The following DTNA variants were observed in gnomAD, a reference collection of about 807,000 sequenced individuals.
The protein encoded by DTNA is dystrobrevin alpha, also known as dystrophin-related protein 3.
DTNA carries 43 observed loss-of-function variants against 100.7 expected under a neutral mutation model. The observed-to-expected ratio is 0.43, with a 90% CI of 0.33 to 0.55. The LOEUF (loss-of-function observed/expected upper bound fraction) is 0.55, where lower values mean the gene tolerates loss of function less well. Among genes scored for constraint, DTNA ranks in the 20% least tolerant of loss-of-function variants. The pLI, the probability that DTNA is intolerant of heterozygous loss-of-function variation, is 0.04. For missense variants in DTNA, 798 were observed against 953.9 expected, an observed-to-expected ratio of 0.84 and a Z score of 2.15; for synonymous variants, 349 against 347.9, an observed-to-expected ratio of 1.00 and a Z score of -0.04.
chr18:34,606,148 T>C (rs1012653469), intron 1 of DTNA, among the ~76,000 whole-genome samples: 6 of 152,124 alleles, frequency 3.9e-5, no homozygotes, highest in Non-Finnish European at 5.9e-5. Context: ...GGAAAAATAC[T>C]GAGTAAATAA....
chr18:34,559,588 T>C (rs2046446928), intron 1 of DTNA, among the ~76,000 whole-genome samples: 1 of 152,234 alleles, frequency 6.6e-6, no homozygotes, highest in South Asian at 2.1e-4. Context: ...TTTCACTCTT[T>C]GGTATAATTA....
intron 1 of DTNA, among the ~76,000 whole-genome samples, chr18:34,741,109 C>T (rs2090570100): frequency 6.6e-6 from 1 of 152,056 alleles, no homozygotes; most frequent in Non-Finnish European, 1.5e-5. Flanking sequence ...ATCACTTTGT[C>T]CTTTATATTA....
At chr18:34,634,752 T>G (rs2058478297) in intron 1 of DTNA, among the ~76,000 whole-genome samples, 1 of 152,224 alleles carries the variant, frequency 6.6e-6, no homozygotes, top group East Asian at 1.9e-4. Context: ...AATGTTGTTT[T>G]GAAATATGTA....
intron 1 of DTNA, among the ~76,000 whole-genome samples, chr18:34,750,200 A>G (rs895812258): frequency 1.3e-5 from 2 of 152,220 alleles, no homozygotes; most frequent in Non-Finnish European, 2.9e-5. Context: ...TTCCAAAAAC[A>G]TTGTCCTGCT....
In DTNA at chr18:34,827,601, G is replaced by T; in HGVS notation, c.1010G>T (p.Arg337Ile). The T allele has an allele frequency of 3.7e-6, 6 of 1,613,816 alleles. No homozygotes were observed. The highest frequency in any genetic ancestry group is 5.1e-6 in the Non-Finnish European group (6 of 1,179,812). The change falls in exon 10 of 23, where the codon AGA (arginine) becomes ATA (isoleucine). Residue 337 changes from arginine to isoleucine, a missense_variant. Physicochemically the swap from Arg to Ile is moderately conservative, Grantham distance 97 (BLOSUM62 -3). Transcript: ENST00000444659. Reference sequence around the variant, plus strand: ...CCTGTGTTTTGTTTTAGGCCTCCCAGACCTGTAACCAGCATGAACGACACC... The same window carrying T: ...CCTGTGTTTTGTTTTAGGCCTCCCATACCTGTAACCAGCATGAACGACACC... ...PLNLAHIVPP[R>I]PVTSMNDTLF...
At chr18:34,793,067 C>G (rs1481718695) in intron 3 of DTNA, among the ~76,000 whole-genome samples, 1 of 152,104 alleles carries the variant, frequency 6.6e-6, no homozygotes, top group African/African-American at 2.4e-5. Flanking sequence ...GTATGAATTT[C>G]AAAACAGTTA....
At chr18:34,540,555 G>A (rs555304676) in intron 1 of DTNA, among the ~76,000 whole-genome samples, 25 of 151,838 alleles carry the variant, frequency 1.6e-4, no homozygotes, top group African/African-American at 5.8e-4. Flanking sequence ...TCTCTTCAAC[G>A]TACACATTAT....
Position 34,820,859 on chromosome 18 carries a change from T to C in DTNA, c.945T>C (p.Pro315=). 1.9e-6 allele frequency: 3 copies of C among 1,614,146 alleles called. No homozygotes were observed. The highest frequency in any genetic ancestry group is 1.7e-6 in the Non-Finnish European group (2 of 1,180,006). Residue 315 remains proline (P), a synonymous_variant, in exon 9 of 23, where the codon CCT becomes CCC. Transcript: ENST00000444659. The part of the protein sequence containing the change: ...KSLSCASSRE[P]LHPMFPDQPE... ...TGAGCTGTGCTTCCAGCCGTGAACCTTTGCACCCCATGTTCCCAGATCAGC... is the reference window on the plus strand; with the variant it reads ...TGAGCTGTGCTTCCAGCCGTGAACCCTTGCACCCCATGTTCCCAGATCAGC...
At chr18:34,511,877 A>G (rs2041126515) in intron 1 of DTNA, among the ~76,000 whole-genome samples, 1 of 152,012 alleles carries the variant, frequency 6.6e-6, no homozygotes, top group South Asian at 2.1e-4. Flanking sequence ...AATGTCCCCA[A>G]GTCCTTAGGT....
At chr18:34,562,931 C>A (rs557083112) in intron 1 of DTNA, among the ~76,000 whole-genome samples, 1 of 152,306 alleles carries the variant, frequency 6.6e-6, no homozygotes, top group East Asian at 1.9e-4. Context: ...TAATGAGGTA[C>A]TGTACCTTTG....
At position 34,888,790 on chromosome 18, in the gene DTNA, C is replaced by A; in HGVS notation, c.*1056C>A. The A allele has an allele frequency of 2.0e-6, 2 of 985,870 alleles. No individual in the cohort carries two copies. Among genetic ancestry groups the A allele is most frequent in the Non-Finnish European group, 2.4e-6 (2 of 829,942 alleles). The allele number at this position is 985,870 out of a possible 1,614,324, so 61.1% of individuals were successfully genotyped here. Reference sequence around the variant, plus strand: ...AGCACCGCTCGTTCACAAGTTCCCCCATCAAGTTGTTTGGAGGCCTTCAGC... The same window carrying A: ...AGCACCGCTCGTTCACAAGTTCCCCAATCAAGTTGTTTGGAGGCCTTCAGC... On this transcript the variant is annotated 3_prime_UTR_variant, in exon 23 of 23. Transcript: ENST00000444659.
chr18:34,668,510 G>T (rs2076269840), intron 1 of DTNA, among the ~76,000 whole-genome samples: 1 of 151,956 alleles, frequency 6.6e-6, no homozygotes, highest in Non-Finnish European at 1.5e-5. Flanking sequence ...TCTTTTAATT[G>T]TGATGTTAGG....
rs201294388 is a variant in DTNA at position 34,728,567 on chromosome 18, C to CA, written c.-2+18131dup. Among the ~76,000 whole-genome samples the CA allele has an allele frequency of 7.8e-3, 1,165 of 149,598 alleles. 14 individuals carry two copies. Among genetic ancestry groups the CA allele is most frequent in the African/African-American group, 0.026 (1,061 of 40,828 alleles). ...ATATTATAAAATAAAGTATTTTTCT[C>CA]AAAAAAAAATAAAAAGGAGGAATCA... On this transcript the variant is annotated intron_variant, in intron 1 of 22. Coordinates refer to ENST00000444659, the MANE Select transcript of DTNA (RefSeq NM_001386795.1).
intron 1 of DTNA, among the ~76,000 whole-genome samples, chr18:34,568,964 C>T (rs190499289): frequency 2.6e-5 from 4 of 152,344 alleles, no homozygotes; most frequent in African/African-American, 7.2e-5. Flanking sequence ...ATATTCATGA[C>T]TGTCAATCAA....
At chr18:34,748,518 T>C (rs914266120) in intron 1 of DTNA, among the ~76,000 whole-genome samples, 8 of 152,222 alleles carry the variant, frequency 5.3e-5, no homozygotes, top group Non-Finnish European at 1.2e-4. Context: ...TTCATTCTTC[T>C]ACATGTGGCT....
intron 1 of DTNA, among the ~76,000 whole-genome samples, chr18:34,558,609 G>A (rs72951285): frequency 1.7e-4 from 26 of 152,238 alleles, no homozygotes; most frequent in African/African-American, 2.2e-4. Context: ...AAATAAAGCC[G>A]TTGAAGAGAA....
intron 3 of DTNA, chr18:34,767,473 C>T (rs1304319197): frequency 2.6e-5 from 4 of 152,200 alleles, no homozygotes; most frequent in Non-Finnish European, 5.9e-5. Flanking sequence ...GTCTTATTTT[C>T]ATTTTCTGTG....
At chr18:34,630,209 G>A (rs1049450770) in intron 1 of DTNA, among the ~76,000 whole-genome samples, 6 of 152,092 alleles carry the variant, frequency 3.9e-5, no homozygotes, top group African/African-American at 9.6e-5. Context: ...ACGTCTGGGC[G>A]GGTGATTTAT....
intron 1 of DTNA, among the ~76,000 whole-genome samples, chr18:34,749,061 T>A (rs942693652): frequency 3.3e-5 from 5 of 152,166 alleles, no homozygotes; most frequent in African/African-American, 1.2e-4. Context: ...TTTTGTTTTA[T>A]TTTATTTTAT....
Sources: gnomAD v4.1 joint callset for allele counts (sites outside exome capture counted in the v4.1 genomes callset) on GRCh38, gnomAD v4.1.1 for gene constraint, MANE v1.5 for transcripts, NCBI Gene and HGNC (gene_info 2026-07-23, HGNC 2026-07-21) for gene names.